Variants in TKTL1 observed in about 807,000 individuals in gnomAD.
TKTL1 encodes the protein transketolase like 1, also known as transketolase-like protein 1.
A neutral mutation model predicts 39.3 loss-of-function variants in TKTL1; 1 was observed. The ratio of observed to expected loss-of-function variants is 0.03; its 90% CI spans 0.01 to 0.12. The LOEUF is 0.12. Ranked by LOEUF, TKTL1 falls within the 10% of genes least tolerant of loss-of-function variation. The pLI is 1.00. For missense variants in TKTL1, 575 were observed against 509.6 expected (o/e 1.13, Z -1.24); for synonymous variants, 262 against 193.8 (o/e 1.35, Z -2.92).
chrX:154,306,327 G>C (rs782798403), intron 2 of TKTL1, among the ~76,000 whole-genome samples: 1 of 111,360 alleles, frequency 9.0e-6, no homozygotes, highest in African/African-American at 3.3e-5. Context: ...AATCTGGCTG[G>C]GTAGAGTACT....
intron 9 of TKTL1, among the ~76,000 whole-genome samples, 175 bp from the exon 10 acceptor site, chrX:154,325,164 A>G (rs186275962): frequency 2.7e-3 from 306 of 112,185 alleles, no homozygotes; most frequent in African/African-American, 9.6e-3. Flanking sequence ...GGGCAGCCCC[A>G]AGGTCCTGCT....
intron 2 of TKTL1, among the ~76,000 whole-genome samples, chrX:154,308,906 C>T (rs928804177): frequency 9.0e-6 from 1 of 111,086 alleles, no homozygotes; most frequent in East Asian, 2.8e-4. Flanking sequence ...GAATCCATAT[C>T]CTCCATAGGA....
intron 5 of TKTL1, among the ~76,000 whole-genome samples, chrX:154,312,272 AG>A (rs2067364033): frequency 8.9e-6 from 1 of 112,053 alleles, no homozygotes; most frequent in Non-Finnish European, 1.9e-5. Flanking sequence ...CCAGCTACTT[AG>A]GAGGCGGAGG....
At chrX:154,326,344 C>T (rs2067493543) in intron 10 of TKTL1, among the ~76,000 whole-genome samples, 1 of 112,356 alleles carries the variant, frequency 8.9e-6, no homozygotes, top group South Asian at 3.7e-4. Context: ...CTGCTCATCA[C>T]CTAGGGAGTG....
At chrX:154,296,602 G>C in intron 1 of TKTL1, among the ~76,000 whole-genome samples, 1 of 112,022 alleles carries the variant, frequency 8.9e-6, no homozygotes, top group African/African-American at 3.2e-5. Flanking sequence ...CTGGTATGCA[G>C]TTGATGGTTT....
intron 1 of TKTL1, among the ~76,000 whole-genome samples, chrX:154,300,621 T>G (rs996519927): frequency 1.1e-4 from 12 of 112,111 alleles, no homozygotes; most frequent in African/African-American, 3.9e-4. Context: ...TGCATTTATT[T>G]TGTAACCTGA....
chrX:154,311,165 C>A lies in TKTL1; in HGVS notation c.597C>A (p.Phe199Leu). ...GRDVEALCQV[F>L]WQASQVKHKP... ...ACGTGGAGGCACTGTGCCAGGTATT[C>A]TGGCAGGCTTCTCAGGTGAAGCACA... The change falls in exon 5 of 13, where the codon TTC becomes TTA. Residue 199 changes from phenylalanine to leucine, a missense_variant. Coordinates refer to ENST00000369915, the MANE Select transcript of TKTL1 (RefSeq NM_012253.4). 8.3e-7 allele frequency: 1 copy of A among 1,212,060 alleles called. No homozygotes were observed. The highest frequency in any genetic ancestry group is 1.8e-5 in the South Asian group (1 of 57,035).
At chrX:154,310,522 A>ATGC (rs1446051114) in intron 3 of TKTL1, among the ~76,000 whole-genome samples, 1 of 112,660 alleles carries the variant, frequency 8.9e-6, no homozygotes, top group Non-Finnish European at 1.9e-5. Flanking sequence ...GAACTTAAGG[A>ATGC]TGCTGCTTTC....
At chrX:154,328,737 C>T (rs781964850) in intron 12 of TKTL1, among the ~76,000 whole-genome samples, 1 of 110,294 alleles carries the variant, frequency 9.1e-6, no homozygotes, top group South Asian at 3.9e-4. Flanking sequence ...AGTGTTCATG[C>T]GGCAGGGGCC....
intron 2 of TKTL1, among the ~76,000 whole-genome samples, chrX:154,306,146 A>T (rs2067313219): frequency 1.2e-5 from 1 of 84,385 alleles, no homozygotes; most frequent in Non-Finnish European, 2.0e-5. Context: ...GTCTCCACTT[A>T]AAAAAAAAAA....
chrX:154,319,001 G>A (rs2067427724), intron 7 of TKTL1, among the ~76,000 whole-genome samples: 1 of 110,218 alleles, frequency 9.1e-6, no homozygotes, highest in Non-Finnish European at 1.9e-5. Flanking sequence ...TTTTTTTTCT[G>A]GACTGAGATA....
At chrX:154,304,175 C>T (rs781788743) in intron 1 of TKTL1, among the ~76,000 whole-genome samples, 1 of 111,013 alleles carries the variant, frequency 9.0e-6, no homozygotes, top group Admixed American at 9.5e-5. Flanking sequence ...TCCTCTGCTG[C>T]CGGGGCCTCT....
chrX:154,304,777 C>T lies in TKTL1; in HGVS notation c.135-527C>T, dbSNP rs1421130601. 3 of 243,986 alleles carry T rather than the reference C, an allele frequency of 1.2e-5. No individual in the cohort carries two copies. The Admixed American group carries it at 1.6e-4, about 13-fold the overall frequency. 20.1% of individuals were successfully genotyped at this position (243,986 alleles called of 1,213,427 possible). A position where few individuals can be genotyped will look rare whatever the true frequency, so the allele number is the denominator to read the frequency against. ...TGTCCCCTGCTGTCTTGTCCCCTCC[C>T]CCTTTTTAATTAATTAGGGCCTGGC... On this transcript the variant is annotated intron_variant, in intron 1 of 12. Coordinates refer to ENST00000369915, the MANE Select transcript of TKTL1 (RefSeq NM_012253.4).
rs781952292 is a variant in TKTL1, at chrX:154,322,965, C to T, written c.1187-242C>T. The stretch of plus-strand genomic sequence containing the variant: ...ACTTGGAGTGATCCATCTGAAAAGT[C>T]AGCTGAGACTTTTCAGTTGACTAAC... On this transcript the variant is annotated intron_variant, in intron 8 of 12. Transcript: ENST00000369915. 2.7e-5 allele frequency among the ~76,000 whole-genome samples: 3 copies of T among 112,226 alleles called. No homozygotes were observed. The South Asian group carries it at 1.1e-3, about 41-fold the overall frequency.
intron 10 of TKTL1, among the ~76,000 whole-genome samples, chrX:154,326,155 AAAGT>A (rs10602804): frequency 0.017 from 1,880 of 111,679 alleles, 45 homozygotes; most frequent in African/African-American, 0.057. Context: ...AGGATTGGAG[AAAGT>A]AAGTGTCTTA....
chrX:154,319,601 T>C (rs1401165068), intron 7 of TKTL1, among the ~76,000 whole-genome samples: 3 of 110,843 alleles, frequency 2.7e-5, no homozygotes, highest in Non-Finnish European at 5.7e-5. Context: ...TAGCCAGACG[T>C]GGTGGCGGGT....
intron 1 of TKTL1, among the ~76,000 whole-genome samples, chrX:154,302,672 C>T (rs1380861848): frequency 8.9e-6 from 1 of 111,841 alleles, no homozygotes; most frequent in Non-Finnish European, 1.9e-5. Flanking sequence ...CCTCCCGTAC[C>T]TGTGAATGTG....
intron 7 of TKTL1, 108 bp from the exon 8 acceptor site, chrX:154,320,648 TC>T: frequency 1.2e-6 from 1 of 813,405 alleles, no homozygotes; most frequent in Non-Finnish European, 1.8e-6. Flanking sequence ...TGCTAGAACT[TC>T]AGAGCAGTTC....
chrX:154,308,290 G>A (rs986919340), intron 2 of TKTL1, among the ~76,000 whole-genome samples: 2 of 111,807 alleles, frequency 1.8e-5, no homozygotes, highest in African/African-American at 3.3e-5. Flanking sequence ...CAAGCACTCC[G>A]GTAGTGGGTG....
Sources: gnomAD v4.1 joint callset for allele counts (sites outside exome capture counted in the v4.1 genomes callset) on GRCh38, gnomAD v4.1.1 for gene constraint, MANE v1.5 for transcripts, NCBI Gene and HGNC (gene_info 2026-07-23, HGNC 2026-07-21) for gene names.